Variants in IFT140 observed in about 807,000 individuals in gnomAD.
IFT140 encodes intraflagellar transport protein 140 homolog.
A neutral mutation model predicts 164.6 loss-of-function variants in IFT140; 133 were observed. That is an observed-to-expected ratio of 0.81 (90% CI 0.70 to 0.93). The LOEUF (loss-of-function observed/expected upper bound fraction) is 0.93, where lower values mean the gene tolerates loss of function less well. IFT140 is among the 40% of genes least tolerant of loss of function. IFT140 has a pLI of 0.00. For missense variants in IFT140, 2,045 were observed against 1,972.3 expected, an observed-to-expected ratio of 1.04 and a Z score of -0.70; for synonymous variants, 860 against 817.3, an observed-to-expected ratio of 1.05 and a Z score of -0.89.
At chr16:1,592,687 G>A in intron 4 of IFT140, 99 bp from the exon 5 acceptor site, 2 of 1,508,724 alleles carry the variant, frequency 1.3e-6, no homozygotes, top group South Asian at 1.3e-5. Context: ...TGGGACAGGT[G>A]TCCCGGCAGA....
intron 30 of IFT140, among the ~76,000 whole-genome samples, chr16:1,513,800 A>G (rs1242608617): frequency 6.7e-6 from 1 of 149,052 alleles, no homozygotes; most frequent in Admixed American, 6.6e-5. Context: ...CAGCCTCCCA[A>G]GTAGCTGGGA....
chr16:1,576,877 G>A (rs1200848042), intron 13 of IFT140: 5 of 152,222 alleles, frequency 3.3e-5, no homozygotes, highest in Non-Finnish European at 5.9e-5. Flanking sequence ...CCCACATCGT[G>A]CTCCTGTCGG....
Position 1,553,917 on chromosome 16 carries a change from CT to C in IFT140, c.2399+4017del, listed in dbSNP as rs2032881500. 2 of 1,282,562 alleles carry C rather than the reference CT, an allele frequency of 1.6e-6. No individual in the cohort carries two copies. The highest frequency in any genetic ancestry group is 4.6e-5 in the Admixed American group (2 of 43,192). 79.4% of individuals were successfully genotyped at this position (1,282,562 alleles called of 1,614,324 possible). ...TTCCTGTTGTAAGAACTAAAAAGGT[CT>C]TTGGAGCTCCTCAAAGATAAAACTG... On this transcript the variant is annotated intron_variant, in intron 19 of 30. Transcript: ENST00000426508. This position sits in a 1 kb window ranked among gnomAD's most constrained non-coding sequence, Gnocchi z 4.4.
At chr16:1,513,137 T>C (rs1252907709) in intron 30 of IFT140, 3 of 152,310 alleles carry the variant, frequency 2.0e-5, no homozygotes, top group African/African-American at 7.2e-5. Context: ...TCGGCATAGC[T>C]GCAGGGTCTG....
At chr16:1,582,955 C>G (rs1462152895) in intron 12 of IFT140, among the ~76,000 whole-genome samples, 3 of 152,204 alleles carry the variant, frequency 2.0e-5, no homozygotes, top group African/African-American at 7.2e-5. Flanking sequence ...ATTAACGGAG[C>G]ATGTCTGAGG....
intron 19 of IFT140, among the ~76,000 whole-genome samples, chr16:1,528,429 A>ACG (rs994467724): frequency 2.7e-5 from 3 of 111,796 alleles, no homozygotes; most frequent in Admixed American, 8.2e-5. Context: ...ATGCACACAC[A>ACG]GATGCACACA....
chr16:1,527,172 A>G (rs1330215776), intron 19 of IFT140: 1 of 233,994 alleles, frequency 4.3e-6, no homozygotes, highest in East Asian at 8.5e-5. Context: ...TCCTGCTCTC[A>G]CCTGAGCCTG....
At chr16:1,534,911 A>T (rs1418333537) in intron 19 of IFT140, among the ~76,000 whole-genome samples, 2 of 152,172 alleles carry the variant, frequency 1.3e-5, no homozygotes, top group Non-Finnish European at 2.9e-5. Flanking sequence ...CTTGGTTGAA[A>T]ATAATTATTA....
chr16:1,569,387 C>G (rs1239382634), intron 14 of IFT140, among the ~76,000 whole-genome samples: 1 of 152,070 alleles, frequency 6.6e-6, no homozygotes, highest in Non-Finnish European at 1.5e-5. Flanking sequence ...TCACACTAGT[C>G]ATTTTTTTAC....
At chr16:1,525,134 G>T (rs2141174255) in intron 22 of IFT140, 97 bp downstream of exon 22, 1 of 1,219,276 alleles carries the variant, frequency 8.2e-7, no homozygotes, top group East Asian at 2.4e-5. Context: ...CACTCGTGCA[G>T]GAAGCACGGG....
At chr16:1,524,511 A>G in intron 24 of IFT140, 41 bp downstream of exon 24, 1 of 1,605,070 alleles carries the variant, frequency 6.2e-7, no homozygotes, top group Non-Finnish European at 8.5e-7. Flanking sequence ...TCCTCAGGGG[A>G]CCTCGAGAAG....
At chr16:1,545,522 T>C (rs1274490600) in intron 19 of IFT140, among the ~76,000 whole-genome samples, 2 of 152,112 alleles carry the variant, frequency 1.3e-5, no homozygotes, top group Admixed American at 1.3e-4. Flanking sequence ...GGGTTTTTTT[T>C]CCTGTACTCG....
chr16:1,591,318 C>T (rs930825191), intron 6 of IFT140, among the ~76,000 whole-genome samples: 2 of 152,216 alleles, frequency 1.3e-5, no homozygotes, highest in African/African-American at 2.4e-5. Context: ...TGTGCCCACT[C>T]GGATGTCCCC....
chr16:1,582,603 G>A (rs1403787685), intron 12 of IFT140, among the ~76,000 whole-genome samples: 4 of 152,256 alleles, frequency 2.6e-5, no homozygotes, highest in African/African-American at 7.2e-5. Flanking sequence ...GAAGAGAGCA[G>A]GAAGAAAACA....
At chr16:1,557,852 C>T (rs188317920) in intron 19 of IFT140, 83 bp downstream of exon 19, 50 of 1,362,886 alleles carry the variant, frequency 3.7e-5, no homozygotes, top group Middle Eastern at 2.6e-4. Context: ...TTTCAACAGG[C>T]GAACCAAGAA....
intron 8 of IFT140, 140 bp from the exon 9 acceptor site, chr16:1,587,444 C>T: frequency 1.6e-6 from 1 of 632,452 alleles, no homozygotes; most frequent in Non-Finnish European, 2.8e-6. Flanking sequence ...AAAACGAACA[C>T]TGCTGTTACA....
intron 19 of IFT140, among the ~76,000 whole-genome samples, chr16:1,557,224 C>T (rs1866866535): frequency 6.6e-6 from 1 of 152,206 alleles, no homozygotes; most frequent in Non-Finnish European, 1.5e-5. Flanking sequence ...CTCAGCCTGT[C>T]CGGTGCATGT....
chr16:1,554,318 T>C (rs1219944872), intron 19 of IFT140, among the ~76,000 whole-genome samples: 2 of 152,258 alleles, frequency 1.3e-5, no homozygotes, highest in African/African-American at 4.8e-5. Context: ...AGAAAAGTCT[T>C]TTCTTTGAAT....
intron 19 of IFT140, among the ~76,000 whole-genome samples, chr16:1,536,221 C>T (rs908827935): frequency 1.3e-5 from 2 of 152,248 alleles, no homozygotes; most frequent in Non-Finnish European, 2.9e-5. Context: ...AGCCTTGGCG[C>T]CCCTCCCTGT....
Sources: allele counts gnomAD v4.1 joint callset (sites outside exome capture counted in the v4.1 genomes callset), GRCh38; gene constraint gnomAD v4.1.1; non-coding constraint Gnocchi (gnomAD v3.1); transcripts MANE v1.5; gene names NCBI Gene and HGNC (gene_info 2026-07-23, HGNC 2026-07-21).